The following BCL7A variants were observed in gnomAD, a reference collection of about 807,000 sequenced individuals.
The protein encoded by BCL7A is BAF chromatin remodeling complex subunit BCL7A, also known as B-cell CLL/lymphoma 7 protein family member A.
A neutral mutation model predicts 28.4 loss-of-function variants in BCL7A; 11 were observed. The ratio of observed to expected loss-of-function variants is 0.39; its 90% confidence interval spans 0.24 to 0.64. The LOEUF is 0.64. BCL7A is among the 30% of genes least tolerant of loss of function. BCL7A has a pLI of 0.50. For missense variants in BCL7A, 222 were observed against 274.8 expected (o/e 0.81, Z 1.36); for synonymous variants, 123 against 103.3 (o/e 1.19, Z -1.15).
At chr12:122,055,067 C>A in intron 5 of BCL7A, 141 bp downstream of exon 5, 2 of 1,533,002 alleles carry the variant, frequency 1.3e-6, no homozygotes, top group Non-Finnish European at 1.8e-6. Flanking sequence ...GTCCATTGGG[C>A]TATGTCCATG....
Position 122,038,301 on chromosome 12 carries a change from G to A in BCL7A, c.271+2874G>A, listed in dbSNP as rs913842030. 7.3e-5 allele frequency among the ~76,000 whole-genome samples: 11 copies of A among 151,350 alleles called. No individual in the cohort carries two copies. In the East Asian group the frequency reaches 1.8e-3, roughly 24 times the overall value. On this transcript the variant is annotated intron_variant, in intron 3 of 5. Coordinates refer to ENST00000261822, the MANE Select transcript of BCL7A (RefSeq NM_001024808.3). ...ATAAAAATTAGCTGGGCATGATGGCGTGTGCCTGTAATCCCAGCTACTCAG... is the reference window on the plus strand; with the variant it reads ...ATAAAAATTAGCTGGGCATGATGGCATGTGCCTGTAATCCCAGCTACTCAG...
chr12:122,039,569 T>C (rs1161016365), intron 3 of BCL7A, among the ~76,000 whole-genome samples: 1 of 146,862 alleles, frequency 6.8e-6, no homozygotes, highest in Non-Finnish European at 1.5e-5. Flanking sequence ...ATATTTTATT[T>C]TGGGCCAGGT....
intron 3 of BCL7A, among the ~76,000 whole-genome samples, chr12:122,041,489 GC>G (rs1883964996): frequency 6.6e-6 from 1 of 152,198 alleles, no homozygotes; most frequent in Non-Finnish European, 1.5e-5. Context: ...CCTAGGTTGG[GC>G]ACAGTGGCTC....
Position 122,054,899 on chromosome 12 carries a change from G to A in BCL7A, c.534G>A (p.Leu178=), listed in dbSNP as rs546650641. 44 of 1,614,218 alleles carry A rather than the reference G, an allele frequency of 2.7e-5. No individual in the cohort carries two copies. In the East Asian group the frequency reaches 9.1e-4, roughly 34 times the overall value. Residue 178 remains leucine (L), a synonymous_variant, in exon 5 of 6, where the codon CTG becomes CTA. Transcript: ENST00000261822. ...GGCAGCCGTCTGGAGACTCGGGTCT[G>A]GCCGCAGAGACGTCTGCAATCTCTC... The part of the protein sequence containing the change: ...VDRQPSGDSG[L]AAETSAISQD...
chr12:122,050,332 T>A (rs1028863118), intron 4 of BCL7A, among the ~76,000 whole-genome samples: 4 of 152,042 alleles, frequency 2.6e-5, no homozygotes, highest in African/African-American at 9.7e-5. Flanking sequence ...TGTGGGACAT[T>A]GAGCAGCATC....
At chr12:122,043,632 C>T (rs975274041) in intron 3 of BCL7A, among the ~76,000 whole-genome samples, 42 of 151,320 alleles carry the variant, frequency 2.8e-4, no homozygotes, top group African/African-American at 9.2e-4. Context: ...ATTAGCCAGG[C>T]GTGGTGGCAA....
chr12:122,060,356 T>C lies in BCL7A; in HGVS notation c.*1193T>C, dbSNP rs1593040308. 1 of 232,858 alleles carries C rather than the reference T, an allele frequency of 4.3e-6. No homozygotes were observed. The highest frequency in any genetic ancestry group is 8.5e-6 in the Non-Finnish European group (1 of 117,600). 14.4% of individuals were successfully genotyped at this position (232,858 alleles called of 1,614,324 possible). On this transcript the variant is annotated 3_prime_UTR_variant, in exon 6 of 6. Transcript: ENST00000261822. ...GTCCCCACCGGGGAGTGGGCCTTGA[T>C]GGCCGGGCCTCGAAGGCCACAAACA...
intron 3 of BCL7A, among the ~76,000 whole-genome samples, chr12:122,043,549 G>A (rs1013867470): frequency 2.6e-5 from 4 of 152,056 alleles, no homozygotes; most frequent in Non-Finnish European, 4.4e-5. Context: ...GAGGCAGGAG[G>A]ATTACCTGAG....
At chr12:122,047,440 T>A (rs988532065) in intron 4 of BCL7A, among the ~76,000 whole-genome samples, 2 of 151,584 alleles carry the variant, frequency 1.3e-5, no homozygotes, top group Admixed American at 6.6e-5. Flanking sequence ...AGGAGAATGG[T>A]GTGAACTCGG....
chr12:122,023,976 C>T (rs1883546393), intron 1 of BCL7A, among the ~76,000 whole-genome samples: 1 of 152,286 alleles, frequency 6.6e-6, no homozygotes, highest in Non-Finnish European at 1.5e-5. Flanking sequence ...TCCAGGTTCC[C>T]GGCTGGACAG....
chr12:122,036,995 G>T (rs1253992846), intron 3 of BCL7A, among the ~76,000 whole-genome samples: 2 of 152,162 alleles, frequency 1.3e-5, no homozygotes, highest in African/African-American at 4.8e-5. Context: ...GTGAGCCACC[G>T]CACCCGTCCC....
chr12:122,036,142 C>A (rs1883847059), intron 3 of BCL7A, among the ~76,000 whole-genome samples: 1 of 152,110 alleles, frequency 6.6e-6, no homozygotes. Flanking sequence ...TGCCCGGCCT[C>A]CAAACTGGAT....
rs537660498 is a variant in BCL7A at position 122,045,362 on chromosome 12, T to C, written c.439+1309T>C. Among the ~76,000 whole-genome samples the C allele has an allele frequency of 1.2e-3, 181 of 152,214 alleles. 2 individuals carry two copies. The East Asian group carries it at 0.016, about 14-fold the overall frequency. ...TGCCATTGCACTCCAGTCTGGGCGA[T>C]AGAGCAAGACTCTGTCTCAGAAAAA... On this transcript the variant is annotated intron_variant, in intron 4 of 5. Transcript: ENST00000261822.
chr12:122,027,065 ACCC>A (rs1883644180), intron 1 of BCL7A, among the ~76,000 whole-genome samples: 1 of 152,134 alleles, frequency 6.6e-6, no homozygotes, highest in Non-Finnish European at 1.5e-5. Context: ...CGCGGGGCAC[ACCC>A]AGGGCCAGCT....
intron 4 of BCL7A, among the ~76,000 whole-genome samples, chr12:122,054,003 G>A (rs894319988): frequency 1.3e-5 from 2 of 152,096 alleles, no homozygotes; most frequent in African/African-American, 4.8e-5. Flanking sequence ...GTGGTGACAG[G>A]TGATTTTTAA....
At chr12:122,024,683 C>T (rs979787191) in intron 1 of BCL7A, among the ~76,000 whole-genome samples, 1 of 152,170 alleles carries the variant, frequency 6.6e-6, no homozygotes, top group African/African-American at 2.4e-5. Flanking sequence ...GATAAAAATA[C>T]AGCACACCCA....
chr12:122,027,873 G>T (rs1458016502), intron 1 of BCL7A, among the ~76,000 whole-genome samples: 1 of 152,132 alleles, frequency 6.6e-6, no homozygotes, highest in African/African-American at 2.4e-5. Context: ...AGAAAGTGAT[G>T]AGTATAGCTT....
At chr12:122,028,021 C>T (rs1883666908) in intron 1 of BCL7A, among the ~76,000 whole-genome samples, 1 of 152,252 alleles carries the variant, frequency 6.6e-6, no homozygotes, top group Admixed American at 6.5e-5. Flanking sequence ...GTGTCTGTGG[C>T]TGTGAAATCC....
intron 2 of BCL7A, among the ~76,000 whole-genome samples, chr12:122,031,403 C>T (rs1005887899): frequency 1.3e-5 from 2 of 152,284 alleles, no homozygotes; most frequent in Non-Finnish European, 1.5e-5. Context: ...TGGTGGTGCC[C>T]ACAGTTAGGC....
Sources: gnomAD v4.1 joint callset for allele counts (sites outside exome capture counted in the v4.1 genomes callset) on GRCh38, gnomAD v4.1.1 for gene constraint, MANE v1.5 for transcripts, NCBI Gene and HGNC (gene_info 2026-07-23, HGNC 2026-07-21) for gene names.